The following TMEM38B variants were observed in gnomAD, a reference collection of about 807,000 sequenced individuals.
TMEM38B encodes the protein trimeric intracellular cation channel type B.
Under a neutral mutation model 28.7 loss-of-function variants are expected in TMEM38B, and 24 were observed. That is an observed-to-expected ratio of 0.84 (90% CI 0.61 to 1.18). The LOEUF is 1.18. Ranked by LOEUF, TMEM38B falls within the 50% of genes most tolerant of loss-of-function variation. TMEM38B has a pLI of 0.00. For synonymous variants in TMEM38B, 131 were observed against 127.7 expected (o/e 1.03, Z -0.17); for missense variants, 380 against 350.9 (o/e 1.08, Z -0.66).
chr9:105,752,213 A>G (rs1188778096), intron 5 of TMEM38B, among the ~76,000 whole-genome samples: 1 of 152,102 alleles, frequency 6.6e-6, no homozygotes, highest in African/African-American at 2.4e-5. Flanking sequence ...GGCAGTCACC[A>G]TCTCTGTGAC....
rs749469130 is a variant in TMEM38B, at chr9:105,748,108, T to G, written c.578T>G (p.Phe193Cys). 1.2e-6 allele frequency: 2 copies of G among 1,613,504 alleles called. No homozygotes were observed. Among genetic ancestry groups the G allele is most frequent in the African/African-American group, 2.7e-5 (2 of 74,900 alleles). Reference sequence around the variant, plus strand: ...GTAACCCTGCTGGGGTCAGTTATCTTCACATTCCAGCACACCCAGCATCTG... The same window carrying G: ...GTAACCCTGCTGGGGTCAGTTATCTGCACATTCCAGCACACCCAGCATCTG... Reference protein sequence around the residue: ...AKVTLLGSVIFTFQHTQHLAI... With the variant: ...AKVTLLGSVICTFQHTQHLAI... The change falls in exon 5 of 6, where the codon TTC becomes TGC. Residue 193 changes from phenylalanine (F) to cysteine (C), a missense_variant. Coordinates refer to ENST00000374692, the MANE Select transcript of TMEM38B (RefSeq NM_018112.3).
chr9:105,747,756 C>T (rs1378378825), intron 4 of TMEM38B, among the ~76,000 whole-genome samples: 1 of 152,226 alleles, frequency 6.6e-6, no homozygotes, highest in East Asian at 1.9e-4. Flanking sequence ...ACATGTGTCC[C>T]AGAGATTCTG....
At chr9:105,759,647 C>G in intron 5 of TMEM38B, 13 of 1,598,002 alleles carry the variant, frequency 8.1e-6, no homozygotes, top group South Asian at 6.7e-5. Context: ...AGGCATCAAT[C>G]TTTTCCAAAC....
intron 1 of TMEM38B, among the ~76,000 whole-genome samples, chr9:105,700,221 G>T (rs927763242): frequency 3.3e-5 from 5 of 152,060 alleles, no homozygotes; most frequent in Admixed American, 6.5e-5. Context: ...TTAGGATACC[G>T]CCATGAAAGA....
intron 5 of TMEM38B, chr9:105,749,194 C>G (rs374704987): frequency 9.8e-7 from 1 of 1,017,296 alleles, no homozygotes; most frequent in Non-Finnish European, 1.3e-6. Context: ...TTTTTTCTAA[C>G]AGCTTTATTG....
At chr9:105,699,069 C>T (rs1218883416) in intron 1 of TMEM38B, among the ~76,000 whole-genome samples, 1 of 152,018 alleles carries the variant, frequency 6.6e-6, no homozygotes. Flanking sequence ...CACTTTATGT[C>T]CTATGGTAAT....
chr9:105,766,374 G>A (rs1453290541), intron 5 of TMEM38B, among the ~76,000 whole-genome samples: 5 of 152,240 alleles, frequency 3.3e-5, no homozygotes, highest in Middle Eastern at 3.4e-3. Flanking sequence ...AGATTTGAGC[G>A]TCTTTTCGTG....
chr9:105,760,499 A>G, intron 5 of TMEM38B: 1 of 743,728 alleles, frequency 1.3e-6, no homozygotes, highest in Admixed American at 2.0e-5. Flanking sequence ...ATTAGTGCTC[A>G]GGACTTTGAA....
chr9:105,730,647 C>T (rs1836706321), intron 4 of TMEM38B, among the ~76,000 whole-genome samples: 1 of 152,182 alleles, frequency 6.6e-6, no homozygotes. Flanking sequence ...ATGGTACTAG[C>T]TCCTCTTTAT....
At chr9:105,705,901 G>GTTT in intron 2 of TMEM38B, 148 bp downstream of exon 2, 1 of 746,354 alleles carries the variant, frequency 1.3e-6, no homozygotes, top group African/African-American at 1.8e-5. Context: ...AATGCTAAGG[G>GTTT]GTTTTTTTTT....
In TMEM38B at chr9:105,698,085, C is replaced by T. The variant is rs919270165; in HGVS notation, c.112+3313C>T. Among the ~76,000 whole-genome samples the T allele has an allele frequency of 8.9e-4, 135 of 150,852 alleles. 1 individual carries two copies. Among genetic ancestry groups the T allele is most frequent in the African/African-American group, 3.3e-3 (133 of 40,906 alleles). On this transcript the variant is annotated intron_variant, in intron 1 of 5. Transcript: ENST00000374692. ...CACGTGCATAGACCTCTGGAATGTCCTTAGTTCTTGTTTGTTTTCTTTAGC... is the reference window on the plus strand; with the variant it reads ...CACGTGCATAGACCTCTGGAATGTCTTTAGTTCTTGTTTGTTTTCTTTAGC...
chr9:105,753,570 T>C (rs1444835262), intron 5 of TMEM38B, among the ~76,000 whole-genome samples: 1 of 152,060 alleles, frequency 6.6e-6, no homozygotes, highest in African/African-American at 2.4e-5. Flanking sequence ...CAAACTAAGC[T>C]TCATAATTGA....
At chr9:105,740,259 T>G in intron 4 of TMEM38B, among the ~76,000 whole-genome samples, 1 of 80,324 alleles carries the variant, frequency 1.2e-5, no homozygotes, top group African/African-American at 4.6e-5. Context: ...TATTCCTAGG[T>G]GTTTTTTTTT....
Position 105,695,574 on chromosome 9 carries a change from C to T in TMEM38B, c.112+802C>T, listed in dbSNP as rs545124943. On this transcript the variant is annotated intron_variant, in intron 1 of 5. Transcript: ENST00000374692. ...ACACCAGGGTGCGTTTGCTCTAATA[C>T]TGCTTTACTTTTGTAGTTATTCTAC... is the stretch of plus-strand genomic sequence containing the variant. 4.6e-5 allele frequency among the ~76,000 whole-genome samples: 7 copies of T among 152,286 alleles called. No homozygotes were observed. In the South Asian group the frequency reaches 1.5e-3, roughly 32 times the overall value.
intron 2 of TMEM38B, among the ~76,000 whole-genome samples, chr9:105,714,590 A>G (rs1384090156): frequency 1.3e-5 from 2 of 152,238 alleles, no homozygotes; most frequent in Non-Finnish European, 2.9e-5. Context: ...ACCAGCTTAA[A>G]TAAAATAATT....
At chr9:105,748,421 G>T (rs1399072198) in intron 5 of TMEM38B, among the ~76,000 whole-genome samples, 1 of 152,176 alleles carries the variant, frequency 6.6e-6, no homozygotes, top group East Asian at 1.9e-4. Flanking sequence ...AGATAGCCTA[G>T]TAGTATATTG....
intron 5 of TMEM38B, among the ~76,000 whole-genome samples, chr9:105,763,222 G>T (rs1337293977): frequency 6.6e-6 from 1 of 152,062 alleles, no homozygotes; most frequent in East Asian, 1.9e-4. Flanking sequence ...TGTTCACTGT[G>T]ATGGTAGTTT....
chr9:105,703,407 A>G (rs1414163512), intron 1 of TMEM38B, among the ~76,000 whole-genome samples: 1 of 152,214 alleles, frequency 6.6e-6, no homozygotes, highest in Non-Finnish European at 1.5e-5. Context: ...ATAGTATTCC[A>G]TGGTGTATAT....
intron 5 of TMEM38B, among the ~76,000 whole-genome samples, chr9:105,751,272 G>A (rs186719345): frequency 1.7e-3 from 254 of 152,332 alleles, no homozygotes; most frequent in African/African-American, 5.8e-3. Context: ...CCACCTGGGA[G>A]CAGCATGGGG....
Sources: gnomAD v4.1 joint callset for allele counts (sites outside exome capture counted in the v4.1 genomes callset) on GRCh38, gnomAD v4.1.1 for gene constraint, MANE v1.5 for transcripts, NCBI Gene and HGNC (gene_info 2026-07-23, HGNC 2026-07-21) for gene names.